Variants in IFT80 observed in about 807,000 individuals in gnomAD.
IFT80 encodes intraflagellar transport protein 80 homolog.
A neutral mutation model predicts 107.9 loss-of-function variants in IFT80; 79 were observed. That is an observed-to-expected ratio of 0.73 (90% CI 0.61 to 0.88). IFT80 has a LOEUF of 0.88. Among genes scored for constraint, IFT80 ranks in the 40% least tolerant of loss-of-function variants. The pLI is 0.00. For synonymous variants in IFT80, 299 were observed against 300.9 expected (o/e 0.99, Z 0.07); for missense variants, 797 against 914.2 (o/e 0.87, Z 1.65).
chr3:160,337,450 C>T (rs1375390018), intron 8 of IFT80, among the ~76,000 whole-genome samples: 1 of 151,772 alleles, frequency 6.6e-6, no homozygotes, highest in Non-Finnish European at 1.5e-5. Flanking sequence ...ATGGTGAAAC[C>T]CCATCTACTA....
chr3:160,287,188 ACT>A (rs534285291), intron 12 of IFT80, among the ~76,000 whole-genome samples: 145 of 152,226 alleles, frequency 9.5e-4, no homozygotes, highest in Non-Finnish European at 1.6e-3. Context: ...GGGCACAGAA[ACT>A]CTGTGTCTAT....
Position 160,268,587 on chromosome 3 carries a change from T to C in IFT80, c.2100-51A>G, listed in dbSNP as rs776319625. 18 of 1,570,520 alleles carry C rather than the reference T, an allele frequency of 1.1e-5. No homozygotes were observed. In the Admixed American group the frequency reaches 3.0e-4, roughly 26 times the overall value. Reference sequence around the variant, plus strand: ...TTAACATTGTTTGTGTCAGACTCCATGAGTAGTAGAGTTCTGGAGTTGGGG... The same window carrying C: ...TTAACATTGTTTGTGTCAGACTCCACGAGTAGTAGAGTTCTGGAGTTGGGG... On this transcript the variant is annotated intron_variant, in intron 18 of 19. Transcript: ENST00000326448.
chr3:160,295,190 G>T (rs969804837), intron 12 of IFT80, among the ~76,000 whole-genome samples: 4 of 152,110 alleles, frequency 2.6e-5, no homozygotes, highest in African/African-American at 9.7e-5. Flanking sequence ...AACCTGTTAG[G>T]CTACTGCTTT....
intron 9 of IFT80, among the ~76,000 whole-genome samples, chr3:160,312,772 TATATAA>T (rs1384179064): frequency 1.6e-4 from 5 of 30,484 alleles, no homozygotes; most frequent in African/African-American, 5.0e-4. Context: ...ATGTATATTA[TATATAA>T]ATATATAATA....
At chr3:160,287,959 C>T (rs1377554449) in intron 12 of IFT80, among the ~76,000 whole-genome samples, 1 of 152,070 alleles carries the variant, frequency 6.6e-6, no homozygotes, top group Non-Finnish European at 1.5e-5. Context: ...ATGAAAAAGA[C>T]TAAAATGATC....
intron 8 of IFT80, among the ~76,000 whole-genome samples, chr3:160,345,704 A>AG (rs1458187634): frequency 5.9e-5 from 9 of 151,502 alleles, no homozygotes. Context: ...AAAAAAAAAA[A>AG]AAAAAAAAAA....
chr3:160,360,052 T>C (rs187368310), intron 6 of IFT80, among the ~76,000 whole-genome samples: 2 of 152,232 alleles, frequency 1.3e-5, no homozygotes, highest in East Asian at 1.9e-4. Context: ...AATAACAAAC[T>C]TCCCCAAGCT....
intron 18 of IFT80, among the ~76,000 whole-genome samples, chr3:160,271,071 C>CATT (rs548954490): frequency 9.9e-5 from 15 of 152,144 alleles, no homozygotes; most frequent in African/African-American, 3.4e-4. Flanking sequence ...CTATCATTGT[C>CATT]ATTATTATTA....
rs771014302 is a variant in IFT80, at chr3:160,282,655, G to A, written c.1381-42C>T. 29 of 1,185,312 alleles carry A rather than the reference G, an allele frequency of 2.4e-5. No individual in the cohort carries two copies. In the Middle Eastern group the frequency reaches 6.9e-4, roughly 28 times the overall value. 73.4% of individuals were successfully genotyped at this position (1,185,312 alleles called of 1,614,324 possible). A position where few individuals can be genotyped will look rare whatever the true frequency, so the allele number is the denominator to read the frequency against. ...ATGTAAATACTGGGTTAGTTTTAGT[G>A]TTTGACATAAGATCATTTTAATTAA... On this transcript the variant is annotated intron_variant, in intron 13 of 19. Transcript: ENST00000326448.
intron 18 of IFT80, among the ~76,000 whole-genome samples, chr3:160,270,232 C>T (rs1037587571): frequency 6.6e-6 from 1 of 152,234 alleles, no homozygotes; most frequent in African/African-American, 2.4e-5. Flanking sequence ...AACTCCTGAC[C>T]TCAAGTGATC....
At chr3:160,352,677 A>G (rs1720798607) in intron 8 of IFT80, among the ~76,000 whole-genome samples, 1 of 152,202 alleles carries the variant, frequency 6.6e-6, no homozygotes, top group South Asian at 2.1e-4. Flanking sequence ...ATGCTTATGA[A>G]TGCTGAAATT....
chr3:160,324,207 G>A (rs1184729913), intron 8 of IFT80, among the ~76,000 whole-genome samples: 2 of 152,108 alleles, frequency 1.3e-5, no homozygotes, highest in African/African-American at 2.4e-5. Context: ...GGTACAAGGA[G>A]GAACTGGTAC....
intron 19 of IFT80, among the ~76,000 whole-genome samples, chr3:160,260,778 G>A (rs1559906358): frequency 2.0e-5 from 3 of 152,024 alleles, no homozygotes; most frequent in African/African-American, 4.8e-5. Context: ...TATTCTACTC[G>A]CTAGCCAATT....
At chr3:160,298,794 A>C (rs1160354466) in intron 12 of IFT80, among the ~76,000 whole-genome samples, 3 of 152,142 alleles carry the variant, frequency 2.0e-5, no homozygotes, top group Non-Finnish European at 2.9e-5. Context: ...CTAGGCTACA[A>C]ACCTACACAG....
intron 12 of IFT80, among the ~76,000 whole-genome samples, chr3:160,295,809 T>C (rs1198219767): frequency 1.3e-5 from 2 of 152,214 alleles, no homozygotes; most frequent in African/African-American, 2.4e-5. Context: ...TGGATTATTA[T>C]TAGTCTTCAA....
chr3:160,364,910 G>GT (rs1336083840), intron 6 of IFT80, among the ~76,000 whole-genome samples: 1 of 151,702 alleles, frequency 6.6e-6, no homozygotes, highest in Non-Finnish European at 1.5e-5. Flanking sequence ...TAAATGATGA[G>GT]TTAATGGGTG....
intron 1 of IFT80, among the ~76,000 whole-genome samples, chr3:160,388,220 T>C (rs1211832845): frequency 1.3e-5 from 2 of 151,330 alleles, no homozygotes; most frequent in African/African-American, 2.4e-5. Context: ...TTGTTTCTTT[T>C]TTTTTTTTTT....
intron 19 of IFT80, among the ~76,000 whole-genome samples, chr3:160,268,070 T>C (rs542177174): frequency 2.0e-5 from 3 of 152,304 alleles, no homozygotes; most frequent in African/African-American, 7.2e-5. Flanking sequence ...ATATTTCCCC[T>C]ACAGCAGAAG....
chr3:160,322,473 G>C (rs1718315916), intron 8 of IFT80, among the ~76,000 whole-genome samples: 1 of 152,008 alleles, frequency 6.6e-6, no homozygotes, highest in African/African-American at 2.4e-5. Context: ...CTTTGCTATT[G>C]TGAATAGTGC....
Sources: gnomAD v4.1 joint callset for allele counts (sites outside exome capture counted in the v4.1 genomes callset) on GRCh38, gnomAD v4.1.1 for gene constraint, MANE v1.5 for transcripts, NCBI Gene and HGNC (gene_info 2026-07-23, HGNC 2026-07-21) for gene names.